CDKL3: variants seen among roughly 807,000 people sequenced by gnomAD.
The protein encoded by CDKL3 is cyclin dependent kinase like 3, also known as cyclin-dependent kinase-like 3.
In CDKL3, 65 loss-of-function variants were observed where a neutral mutation model predicts 69.3. That is an observed-to-expected ratio of 0.94 (90% CI 0.77 to 1.15). The LOEUF is 1.15. CDKL3 is among the 50% of genes most tolerant of loss of function. The pLI is 0.00. For synonymous variants in CDKL3, 202 were observed against 221.6 expected (o/e 0.91, Z 0.79); for missense variants, 652 against 689.2 (o/e 0.95, Z 0.61).
intron 4 of CDKL3, among the ~76,000 whole-genome samples, chr5:134,323,731 A>C (rs187935775): frequency 1.1e-4 from 16 of 152,308 alleles, no homozygotes; most frequent in Non-Finnish European, 1.9e-4. Context: ...GATAGACCTA[A>C]ATATAAAATG....
At chr5:134,285,205 C>G (rs765687881), downstream of CDKL3, among the ~76,000 whole-genome samples, 2 of 152,200 alleles carry the variant, frequency 1.3e-5, no homozygotes, top group Admixed American at 6.5e-5. Context: ...CTAGGTGGTG[C>G]CCCAGTAGGG....
intron 6 of CDKL3, 156 bp downstream of exon 6, chr5:134,319,202 G>GCCC: frequency 2.0e-6 from 1 of 492,034 alleles, no homozygotes; most frequent in Non-Finnish European, 3.4e-6. Flanking sequence ...ATGGTGGCAG[G>GCCC]TGCCTGTAAT....
At chr5:134,359,535 C>G (rs1230889123) in intron 3 of CDKL3, among the ~76,000 whole-genome samples, 4 of 152,058 alleles carry the variant, frequency 2.6e-5, no homozygotes, top group African/African-American at 9.7e-5. Context: ...CGGAGTCTTG[C>G]TAAACCTCCC....
intron 6 of CDKL3, among the ~76,000 whole-genome samples, chr5:134,313,585 T>C (rs1361149322): frequency 6.6e-6 from 1 of 152,030 alleles, no homozygotes; most frequent in Non-Finnish European, 1.5e-5. Context: ...TCCAAGATAA[T>C]TGTATATAAT....
intron 2 of CDKL3, among the ~76,000 whole-genome samples, chr5:134,365,480 A>G (rs534431011): frequency 6.6e-6 from 1 of 151,894 alleles, no homozygotes; most frequent in Non-Finnish European, 1.5e-5. Context: ...TTTCATTCAC[A>G]TTGCTGCATT....
chr5:134,297,136 G>C, downstream of CDKL3, among the ~76,000 whole-genome samples: 1 of 151,914 alleles, frequency 6.6e-6, no homozygotes. Context: ...ATTTTTACTA[G>C]AGACAGGGTT....
chr5:134,317,384 C>T (rs988430888), intron 6 of CDKL3, among the ~76,000 whole-genome samples: 1 of 152,158 alleles, frequency 6.6e-6, no homozygotes, highest in African/African-American at 2.4e-5. Context: ...GATCCACCCA[C>T]CTCAGGTGAT....
intron 8 of CDKL3, among the ~76,000 whole-genome samples, chr5:134,291,428 A>T (rs1371195137): frequency 6.6e-6 from 1 of 152,222 alleles, no homozygotes; most frequent in Non-Finnish European, 1.5e-5. Flanking sequence ...ACGAAACATC[A>T]TATCTCTTGC....
rs191350744 is a variant in CDKL3, at chr5:134,292,166, G to A, written c.*678-5607C>T. On this transcript the variant is annotated intron_variant and NMD_transcript_variant, in intron 8 of 8. Coordinates refer to the CDKL3 transcript ENST00000519312. ...TGGAATGCTACACCCATTTTCAGCA[G>A]AATATACATTCTTCTCAAGCACAAA... Among the ~76,000 whole-genome samples the A allele has an allele frequency of 2.8e-3, 421 of 152,276 alleles. 3 individuals are homozygous for A. In the Middle Eastern group the frequency reaches 0.044, roughly 16 times the overall value.
At chr5:134,331,775 G>A (rs1010366148) in intron 4 of CDKL3, among the ~76,000 whole-genome samples, 17 of 152,154 alleles carry the variant, frequency 1.1e-4, no homozygotes, top group African/African-American at 4.1e-4. Context: ...GTGTGCATGT[G>A]TCTTTATAGT....
chr5:134,350,575 T>C, intron 3 of CDKL3, 148 bp from the exon 4 acceptor site: 3 of 600,148 alleles, frequency 5.0e-6, no homozygotes, highest in Admixed American at 6.4e-5. Flanking sequence ...AATGCAAATA[T>C]AGTTATATGT....
rs113014724 is a variant in CDKL3 at position 134,351,099 on chromosome 5, T to C, written c.361-672A>G. ...TTTTCCTACATCCAGTAGCCACCTC[T>C]CCACCCATATCGTACTTGATTTCAT... On this transcript the variant is annotated intron_variant, in intron 3 of 12. Transcript: ENST00000265334. Among the ~76,000 whole-genome samples the C allele has an allele frequency of 9.7e-3, 1,481 of 152,274 alleles. 13 individuals carry two copies. Among genetic ancestry groups the C allele is most frequent in the African/African-American group, 0.032 (1,315 of 41,562 alleles).
chr5:134,365,869 T>C (rs777468471), intron 2 of CDKL3, among the ~76,000 whole-genome samples: 10 of 152,202 alleles, frequency 6.6e-5, no homozygotes, highest in Non-Finnish European at 1.3e-4. Flanking sequence ...CTCCCTCTTA[T>C]CTAAACCCTC....
upstream of CDKL3, chr5:134,371,538 TG>T (rs1446533598): frequency 1.2e-5 from 14 of 1,212,584 alleles, no homozygotes; most frequent in African/African-American, 2.8e-5. Context: ...CGCCGGGGGG[TG>T]GGGGGGCTGC....
chr5:134,355,969 AT>A (rs1288927052), intron 3 of CDKL3, among the ~76,000 whole-genome samples: 1 of 152,204 alleles, frequency 6.6e-6, no homozygotes, highest in African/African-American at 2.4e-5. Flanking sequence ...CAGTTTTTCT[AT>A]GGACCAGGCT....
At chr5:134,366,589 T>C (rs901768669) in intron 1 of CDKL3, 45 bp from the exon 2 acceptor site, 4 of 1,207,614 alleles carry the variant, frequency 3.3e-6, no homozygotes, top group Admixed American at 5.5e-5. Context: ...TAAACGTTTA[T>C]ACTTTTATTT....
At position 134,301,092 on chromosome 5, in the gene CDKL3, G is replaced by A. The variant is rs185578674; in HGVS notation, c.1719+1498C>T. ...CTCACTGCGCAACCTCCGCCTCCCA[G>A]GTTCAAGCAATTCTCCTGCCTCAGC... is the stretch of plus-strand genomic sequence containing the variant. On this transcript the variant is annotated intron_variant, in intron 12 of 12. Transcript: ENST00000265334. Among the ~76,000 whole-genome samples, 37 of 152,144 alleles carry A rather than the reference G, an allele frequency of 2.4e-4. 1 individual carries two copies. The South Asian group carries it at 6.6e-3, about 27-fold the overall frequency.
At chr5:134,339,428 A>G (rs1749888391) in intron 4 of CDKL3, among the ~76,000 whole-genome samples, 1 of 152,174 alleles carries the variant, frequency 6.6e-6, no homozygotes, top group East Asian at 1.9e-4. Context: ...TAACAAAAAA[A>G]TGTTACTAGA....
intron 4 of CDKL3, among the ~76,000 whole-genome samples, chr5:134,331,913 C>G (rs1267377153): frequency 2.0e-5 from 3 of 151,514 alleles, no homozygotes; most frequent in Admixed American, 6.6e-5. Flanking sequence ...ATTTACACTC[C>G]CAGTGTAAAA....
Sources: allele counts gnomAD v4.1 joint callset (sites outside exome capture counted in the v4.1 genomes callset), GRCh38; gene constraint gnomAD v4.1.1; transcripts MANE v1.5; gene names NCBI Gene and HGNC (gene_info 2026-07-23, HGNC 2026-07-21).